TSPAN11: variants seen among roughly 807,000 people sequenced by gnomAD.
The protein encoded by TSPAN11 is tetraspanin 11.
In TSPAN11, 29 loss-of-function variants were observed where a neutral mutation model predicts 32.9. The ratio of observed to expected loss-of-function variants is 0.88; its 90% CI spans 0.66 to 1.20. The LOEUF is 1.20. Ranked by LOEUF, TSPAN11 falls within the 50% of genes most tolerant of loss-of-function variation. The probability of loss-of-function intolerance (pLI) is 0.00; values close to 1 mark genes in which losing one functional copy is unlikely to be tolerated. For synonymous variants in TSPAN11, 140 were observed against 141.3 expected (o/e 0.99, Z 0.07); for missense variants, 283 against 329.1 (o/e 0.86, Z 1.08).
chr12:30,951,717 A>G (rs1228676921), intron 1 of TSPAN11, among the ~76,000 whole-genome samples: 2 of 152,230 alleles, frequency 1.3e-5, no homozygotes, highest in Non-Finnish European at 2.9e-5. Context: ...TCACACAGCC[A>G]GTAAAATGGC....
chr12:31,009,231 C>T, the TSPAN11 span, among the ~76,000 whole-genome samples: 1 of 152,244 alleles, frequency 6.6e-6, no homozygotes, highest in Non-Finnish European at 1.5e-5. Flanking sequence ...GTCTTCTCTG[C>T]CCTGTTCTCA....
chr12:30,976,191 G>A (rs2140301032), intron 3 of TSPAN11, among the ~76,000 whole-genome samples: 1 of 152,264 alleles, frequency 6.6e-6, no homozygotes, highest in African/African-American at 2.4e-5. Context: ...GGCTGACAGG[G>A]ACCGTACCCC....
chr12:30,968,427 A>G (rs1264948039), intron 3 of TSPAN11, among the ~76,000 whole-genome samples: 2 of 152,248 alleles, frequency 1.3e-5, no homozygotes, highest in Non-Finnish European at 2.9e-5. Context: ...GGACAGAAAT[A>G]GCACATCTCT....
chr12:30,977,408 G>A (rs965109892), intron 3 of TSPAN11, among the ~76,000 whole-genome samples: 1 of 152,226 alleles, frequency 6.6e-6, no homozygotes, highest in African/African-American at 2.4e-5. Context: ...AGCCATCCCA[G>A]TGACCACGGG....
the TSPAN11 span, among the ~76,000 whole-genome samples, chr12:31,016,255 G>A: frequency 3.9e-5 from 6 of 152,286 alleles, no homozygotes; most frequent in East Asian, 7.7e-4. Flanking sequence ...GACGCAAGGC[G>A]GGAGTTGGGC....
chr12:31,012,277 C>T, the TSPAN11 span, among the ~76,000 whole-genome samples: 6,949 of 152,332 alleles, frequency 0.046, 201 homozygotes, highest in Middle Eastern at 0.13. Flanking sequence ...GGGAGGCTGG[C>T]GCCAGAGCAG....
intron 2 of TSPAN11, among the ~76,000 whole-genome samples, chr12:30,961,630 TG>T (rs1233931956): frequency 2.0e-5 from 3 of 152,112 alleles, no homozygotes; most frequent in Admixed American, 6.5e-5. Flanking sequence ...GCCTAAGGAC[TG>T]GGACGGGGTG....
chr12:30,993,661 T>A lies in TSPAN11; in HGVS notation c.*1746T>A, dbSNP rs950437612. On this transcript the variant is annotated 3_prime_UTR_variant, in exon 8 of 8. Coordinates refer to ENST00000546076, the MANE Select transcript of TSPAN11 (RefSeq NM_001370302.1). ...AAATGGTATAGTGCGTGATTAGCAT[T>A]GCTGCCCTCCAACCTCCTGGGATTC... 4 of 152,246 alleles carry A rather than the reference T, an allele frequency of 2.6e-5. No homozygotes were observed. Among genetic ancestry groups the A allele is most frequent in the African/African-American group, 9.6e-5 (4 of 41,466 alleles). 9.4% of individuals were successfully genotyped at this position (152,246 alleles called of 1,614,324 possible). A position where few individuals can be genotyped will look rare whatever the true frequency, so the allele number is the denominator to read the frequency against.
downstream of TSPAN11, among the ~76,000 whole-genome samples, chr12:30,999,902 G>A (rs1048793341): frequency 1.3e-5 from 2 of 152,222 alleles, no homozygotes; most frequent in Admixed American, 1.3e-4. Flanking sequence ...GTCCAGGTCT[G>A]TCCCCGCTGG....
At chr12:30,989,714 T>C (rs1202805124) in intron 7 of TSPAN11, among the ~76,000 whole-genome samples, 1 of 152,226 alleles carries the variant, frequency 6.6e-6, no homozygotes, top group African/African-American at 2.4e-5. Flanking sequence ...GACTGGGATC[T>C]GCAGGTCATT....
intron 2 of TSPAN11, among the ~76,000 whole-genome samples, chr12:30,958,703 G>A (rs536756713): frequency 2.2e-4 from 34 of 152,192 alleles, no homozygotes; most frequent in East Asian, 3.9e-4. Context: ...TCACTTCTCC[G>A]TCATAGCAGA....
At chr12:30,959,179 C>T (rs987955303) in intron 2 of TSPAN11, among the ~76,000 whole-genome samples, 3 of 152,064 alleles carry the variant, frequency 2.0e-5, no homozygotes, top group Non-Finnish European at 4.4e-5. Context: ...GGTACCAGGC[C>T]GTGTGCTGGG....
chr12:30,983,197 C>T (rs1403132200), intron 7 of TSPAN11, 47 bp downstream of exon 7: 1 of 1,557,046 alleles, frequency 6.4e-7, no homozygotes, highest in Non-Finnish European at 8.7e-7. Flanking sequence ...GCTCTGAACC[C>T]CTCTCCCATT....
chr12:30,927,020 A>G (rs1298483616), intron 1 of TSPAN11: 1 of 1,284,832 alleles, frequency 7.8e-7, no homozygotes, highest in East Asian at 5.8e-5. Context: ...TGGTGTCTGC[A>G]TGGGACACGC....
At chr12:30,964,161 C>A in intron 3 of TSPAN11, 144 bp downstream of exon 3, 1 of 1,060,762 alleles carries the variant, frequency 9.4e-7, no homozygotes, top group Non-Finnish European at 1.3e-6. Flanking sequence ...GCTCCTGGGT[C>A]TGGGGTTTGC....
chr12:30,947,986 A>T (rs1938303412), intron 1 of TSPAN11, among the ~76,000 whole-genome samples: 1 of 152,216 alleles, frequency 6.6e-6, no homozygotes, highest in South Asian at 2.1e-4. Flanking sequence ...AAATACAGCC[A>T]TTCCAAATGG....
the TSPAN11 span, among the ~76,000 whole-genome samples, chr12:31,004,723 G>A: frequency 5.3e-5 from 8 of 152,336 alleles, no homozygotes; most frequent in East Asian, 1.2e-3. Context: ...GAGAAGGCCC[G>A]CATGTGGTGG....
At chr12:30,999,793 A>C (rs908352144), downstream of TSPAN11, among the ~76,000 whole-genome samples, 1 of 152,110 alleles carries the variant, frequency 6.6e-6, no homozygotes, top group African/African-American at 2.4e-5. Context: ...AACCAGAAGA[A>C]AAATTTCTAA....
intron 3 of TSPAN11, among the ~76,000 whole-genome samples, chr12:30,968,547 G>A (rs915943539): frequency 6.6e-6 from 1 of 152,218 alleles, no homozygotes; most frequent in Admixed American, 6.5e-5. Flanking sequence ...CTGCATGAGA[G>A]AGATAATTCA....
Sources: gnomAD v4.1 joint callset for allele counts (sites outside exome capture counted in the v4.1 genomes callset) on GRCh38, gnomAD v4.1.1 for gene constraint, MANE v1.5 for transcripts, NCBI Gene and HGNC (gene_info 2026-07-23, HGNC 2026-07-21) for gene names.